The following EP400 variants were observed in gnomAD, a reference collection of about 807,000 sequenced individuals.
EP400 encodes E1A-binding protein p400.
A neutral mutation model predicts 354.1 loss-of-function variants in EP400; 105 were observed. The ratio of observed to expected loss-of-function variants is 0.30; its 90% CI spans 0.25 to 0.35. The LOEUF (loss-of-function observed/expected upper bound fraction) is 0.35, where lower values mean the gene tolerates loss of function less well. Among genes scored for constraint, EP400 ranks in the 10% least tolerant of loss-of-function variants. EP400 has a pLI of 1.00. For synonymous variants in EP400, 1,646 were observed against 1,716.9 expected (o/e 0.96, Z 1.02); for missense variants, 3,280 against 4,121.0 (o/e 0.80, Z 5.59).
rs1237696452 is a variant in EP400, at chr12:132,021,073, T to C, written c.4448-6T>C. On this transcript the variant is annotated splice_region_variant and splice_polypyrimidine_tract_variant and intron_variant, in intron 22 of 52. Transcript: ENST00000389561. ...GCTTTGCACAAACAAACCTTATCGA[T>C]TGCAGCAGCAGCAGCCCCGTTTCAG... 6.3e-7 allele frequency: 1 copy of C among 1,591,276 alleles called. No homozygotes were observed. The highest frequency in any genetic ancestry group is 8.5e-7 in the Non-Finnish European group (1 of 1,174,828).
Position 131,990,069 on chromosome 12 carries a change from C to G in EP400, c.2515C>G (p.Arg839Gly). 6.2e-7 allele frequency: 1 copy of G among 1,611,684 alleles called. No homozygotes were observed. The highest frequency in any genetic ancestry group is 8.5e-7 in the Non-Finnish European group (1 of 1,179,408). Reference sequence around the variant, plus strand: ...GAGGCGGATAGCCGCCTCCACGGCCCGGGAGATAGAGTGCTTTTGGTCGAA... The same window carrying G: ...GAGGCGGATAGCCGCCTCCACGGCCGGGGAGATAGAGTGCTTTTGGTCGAA... ...RLRRIAASTA[R>G]EIECFWSNIE... is the part of the protein sequence containing the mutation. Residue 839 changes from arginine (R) to glycine (G), a missense_variant, in exon 8 of 53, where the codon CGG becomes GGG. By Grantham distance (125) the Arg-to-Gly change is moderately radical. Transcript: ENST00000389561. This position sits in a 1 kb window ranked among gnomAD's most constrained non-coding sequence, Gnocchi z 4.2.
At chr12:132,057,299 A>G (rs1477348176) in intron 45 of EP400, among the ~76,000 whole-genome samples, 2 of 152,252 alleles carry the variant, frequency 1.3e-5, no homozygotes, top group African/African-American at 4.8e-5. Flanking sequence ...AAACCATGGT[A>G]CATTCATACA....
chr12:131,997,820 A>G (rs1261973107), intron 12 of EP400, among the ~76,000 whole-genome samples: 1 of 152,142 alleles, frequency 6.6e-6, no homozygotes, highest in Admixed American at 6.5e-5. Flanking sequence ...TTCCAACCCA[A>G]GTTGTCCACC....
At chr12:132,002,693 G>C (rs1231452207) in intron 12 of EP400, among the ~76,000 whole-genome samples, 1 of 152,234 alleles carries the variant, frequency 6.6e-6, no homozygotes, top group Non-Finnish European at 1.5e-5. Context: ...AGACACTGTA[G>C]TATCTTTTGT....
At position 131,979,731 on chromosome 12, in the gene EP400, G is replaced by A. The variant is rs143204414; in HGVS notation, c.1373G>A (p.Gly458Glu). 2.5e-6 allele frequency: 4 copies of A among 1,609,770 alleles called. No homozygotes were observed. Among genetic ancestry groups the A allele is most frequent in the African/African-American group, 1.3e-5 (1 of 74,604 alleles). The change falls in exon 3 of 53, where the codon GGA becomes GAA. Residue 458 changes from glycine (G) to glutamate (E), a missense_variant. Transcript: ENST00000389561. ...ALAGSLVAGAGSTVETDLFKR... is the reference protein window; with the variant it reads ...ALAGSLVAGAESTVETDLFKR... ...GCAGGGAGCCTGGTAGCAGGGGCCG[G>A]AAGCACAGTAGAGACGGACCTGTTT...
Position 132,043,737 on chromosome 12 carries a change from A to G in EP400, c.6450+9A>G, listed in dbSNP as rs1260206425. 6.3e-7 allele frequency: 1 copy of G among 1,595,694 alleles called. No homozygotes were observed. The highest frequency in any genetic ancestry group is 1.8e-5 in the Admixed American group (1 of 54,382). Reference sequence around the variant, plus strand: ...AGGAGAGAAACAGTGAGGTAAGAGAATCAACTTTTGGTCAGTGAAAAAAAT... The same window carrying G: ...AGGAGAGAAACAGTGAGGTAAGAGAGTCAACTTTTGGTCAGTGAAAAAAAT... On this transcript the variant is annotated intron_variant, in intron 34 of 52. Coordinates refer to ENST00000389561, the MANE Select transcript of EP400 (RefSeq NM_015409.5).
In EP400 at chr12:132,050,985, G is replaced by C; in HGVS notation, c.7394+330G>C. ...CCTCACACCCCACCTCTCAGGCACT[G>C]ATTTTGTTCGCCATATCTTAAGAAC... On this transcript the variant is annotated intron_variant, in intron 41 of 52. Coordinates refer to ENST00000389561, the MANE Select transcript of EP400 (RefSeq NM_015409.5). This position sits in a 1 kb window ranked among gnomAD's most constrained non-coding sequence, Gnocchi z 4.8. 1 of 446,554 alleles carries C rather than the reference G, an allele frequency of 2.2e-6. No individual in the cohort carries two copies. Among genetic ancestry groups the C allele is most frequent in the South Asian group, 2.4e-5 (1 of 41,138 alleles). The allele number at this position is 446,554 out of a possible 1,614,324, so 27.7% of individuals were successfully genotyped here.
chr12:131,982,271 G>A lies in EP400; in HGVS notation c.1722G>A (p.Ala574=), dbSNP rs200410897. The A allele has an allele frequency of 1.2e-5, 19 of 1,614,142 alleles. No homozygotes were observed. Among genetic ancestry groups the A allele is most frequent in the Non-Finnish European group, 1.4e-5 (16 of 1,180,026 alleles). ...AGVPTAALSS[A]LQFAQQPQVV... The stretch of plus-strand genomic sequence containing the variant: ...TTCCCACTGCAGCCCTCTCCTCTGC[G>A]CTGCAGTTTGCACAGCAGCCGCAAG... The change falls in exon 5 of 53, where the codon GCG becomes GCA. Residue 574 remains alanine, a synonymous_variant. Transcript: ENST00000389561.
At chr12:132,005,561 A>G (rs1893551314) in intron 13 of EP400, among the ~76,000 whole-genome samples, 1 of 152,202 alleles carries the variant, frequency 6.6e-6, no homozygotes, top group African/African-American at 2.4e-5. Flanking sequence ...AGCATACCAG[A>G]AAAGGTCTGC....
chr12:131,960,599 G>A lies in EP400; in HGVS notation c.-21G>A. ...TTAATTTTTAGGAGAACGACACATTGGATACAGAAGGGAGGTGATCATGCA... is the reference window on the plus strand; with the variant it reads ...TTAATTTTTAGGAGAACGACACATTAGATACAGAAGGGAGGTGATCATGCA... On this transcript the variant is annotated 5_prime_UTR_variant, in exon 2 of 53. Coordinates refer to ENST00000389561, the MANE Select transcript of EP400 (RefSeq NM_015409.5). 6.4e-6 allele frequency: 10 copies of A among 1,568,890 alleles called. No homozygotes were observed. Among genetic ancestry groups the A allele is most frequent in the Non-Finnish European group, 8.6e-6 (10 of 1,157,682 alleles).
At chr12:132,022,588 G>A (rs963436142) in intron 23 of EP400, among the ~76,000 whole-genome samples, 2 of 151,884 alleles carry the variant, frequency 1.3e-5, no homozygotes, top group African/African-American at 4.8e-5. Context: ...GTACCTTTTT[G>A]AGTTGGGGGC....
intron 27 of EP400, 79 bp downstream of exon 27, chr12:132,028,367 G>A (rs568821256): frequency 3.2e-6 from 5 of 1,547,560 alleles, no homozygotes; most frequent in East Asian, 2.3e-5. Flanking sequence ...TCTCGTGGAT[G>A]TACATCTTAC....
chr12:132,042,160 A>T (rs1016450411), intron 32 of EP400, among the ~76,000 whole-genome samples: 1 of 151,996 alleles, frequency 6.6e-6, no homozygotes, highest in South Asian at 2.1e-4. Flanking sequence ...CATGTTGGCC[A>T]GGCTGGTCTT....
chr12:132,030,931 G>A (rs1386492763), intron 29 of EP400, among the ~76,000 whole-genome samples: 1 of 152,166 alleles, frequency 6.6e-6, no homozygotes, highest in Non-Finnish European at 1.5e-5. Context: ...GTGTCCCCCA[G>A]CGCAAAACCA....
At chr12:131,971,752 G>A (rs1026200451) in intron 2 of EP400, among the ~76,000 whole-genome samples, 4 of 151,910 alleles carry the variant, frequency 2.6e-5, no homozygotes, top group Non-Finnish European at 5.9e-5. Context: ...ATTTCTTAAG[G>A]CATGTGATGA....
intron 51 of EP400, 133 bp downstream of exon 51, chr12:132,069,774 C>A: frequency 7.4e-7 from 1 of 1,357,432 alleles, no homozygotes; most frequent in East Asian, 2.4e-5. Flanking sequence ...GAAGTGTTGT[C>A]TCCTGGCCTC....
Position 131,994,830 on chromosome 12 carries a change from G to T in EP400, c.2738-37G>T, listed in dbSNP as rs753418477. The T allele has an allele frequency of 1.3e-6, 2 of 1,578,884 alleles. No homozygotes were observed. Among genetic ancestry groups the T allele is most frequent in the Non-Finnish European group, 1.7e-6 (2 of 1,148,826 alleles). On this transcript the variant is annotated intron_variant, in intron 11 of 52. Transcript: ENST00000389561. The surrounding 1 kb of genome is among the most constrained non-coding windows in gnomAD (Gnocchi z 4.6). ...AATGAGTAACAGACACTCAAGTGGT[G>T]TTGCCTCTCAGTGACACTTGCTGAT... is the stretch of plus-strand genomic sequence containing the variant.
At chr12:132,004,295 G>A (rs758866813) in intron 12 of EP400, among the ~76,000 whole-genome samples, 11 of 152,084 alleles carry the variant, frequency 7.2e-5, no homozygotes, top group Non-Finnish European at 1.5e-4. Context: ...TGATTTCCAG[G>A]GATGATTAAT....
chr12:132,000,035 C>T (rs1428725336), intron 12 of EP400, among the ~76,000 whole-genome samples: 1 of 146,674 alleles, frequency 6.8e-6, no homozygotes, highest in Non-Finnish European at 1.5e-5. Flanking sequence ...TGTTTCTGCT[C>T]GTAGTATTTC....
Sources: allele counts gnomAD v4.1 joint callset (sites outside exome capture counted in the v4.1 genomes callset), GRCh38; gene constraint gnomAD v4.1.1; non-coding constraint Gnocchi (gnomAD v3.1); transcripts MANE v1.5; gene names NCBI Gene and HGNC (gene_info 2026-07-23, HGNC 2026-07-21).